Variants in SNX31 observed in about 807,000 individuals in gnomAD.
The protein encoded by SNX31 is sorting nexin 31.
SNX31 carries 58 observed loss-of-function variants against 65.4 expected under a neutral mutation model. That is an observed-to-expected ratio of 0.89 (90% CI 0.72 to 1.10). The LOEUF (loss-of-function observed/expected upper bound fraction) is 1.10. Among genes scored for constraint, SNX31 ranks in the 50% least tolerant of loss-of-function variants. SNX31 has a pLI of 0.00. For missense variants in SNX31, 523 were observed against 529.7 expected (o/e 0.99, Z 0.12); for synonymous variants, 181 against 190.1 (o/e 0.95, Z 0.39).
intron 3 of SNX31, among the ~76,000 whole-genome samples, chr8:100,632,415 T>A (rs1237440845): frequency 1.3e-5 from 2 of 151,970 alleles, no homozygotes; most frequent in African/African-American, 4.8e-5. Context: ...CAAAAAAAAA[T>A]TTAATGGGAA....
intron 4 of SNX31, among the ~76,000 whole-genome samples, chr8:100,627,437 C>A (rs993944826): frequency 6.6e-6 from 1 of 152,168 alleles, no homozygotes; most frequent in Non-Finnish European, 1.5e-5. Flanking sequence ...AAAGCAAAAC[C>A]CAGAATGCAC....
In SNX31 at chr8:100,618,404, G is replaced by T. The variant is rs893502140; in HGVS notation, c.322-674C>A. On this transcript the variant is annotated intron_variant, in intron 4 of 13. Coordinates refer to ENST00000311812, the MANE Select transcript of SNX31 (RefSeq NM_152628.4). The stretch of plus-strand genomic sequence containing the variant: ...TTTCTGACACTAATTGTGGGTGGGG[G>T]CAGGGGGAAGGTGTTTCCATGTAGC... 3.0e-5 allele frequency: 40 copies of T among 1,341,888 alleles called. No homozygotes were observed. In the Middle Eastern group the frequency reaches 5.3e-4, roughly 18 times the overall value. 83.1% of individuals were successfully genotyped at this position (1,341,888 alleles called of 1,614,324 possible). A position where few individuals can be genotyped will look rare whatever the true frequency, so the allele number is the denominator to read the frequency against.
At chr8:100,583,992 G>A in intron 12 of SNX31, 119 bp downstream of exon 12, 1 of 788,462 alleles carries the variant, frequency 1.3e-6, no homozygotes, top group Non-Finnish European at 2.0e-6. Flanking sequence ...GTGGTTTGGA[G>A]TCCTCCCTTT....
chr8:100,649,952 G>T (rs1008872421), upstream of SNX31, among the ~76,000 whole-genome samples: 1 of 152,210 alleles, frequency 6.6e-6, no homozygotes, highest in Non-Finnish European at 1.5e-5. Flanking sequence ...TGTTTGGTCA[G>T]TTTTTTTGTA....
chr8:100,643,968 G>A (rs1248116815), intron 2 of SNX31, among the ~76,000 whole-genome samples: 1 of 152,190 alleles, frequency 6.6e-6, no homozygotes, highest in Non-Finnish European at 1.5e-5. Flanking sequence ...ACTTCCTGGA[G>A]GAGATGGGAC....
rs1241626188 is a variant in SNX31 at position 100,573,279 on chromosome 8, TG to T, written c.*585del. Reference sequence around the variant, plus strand: ...CGTTTCACTTTGAGTACATCCATATTGGTAGGCTCAGACTTATGTGAGGAAA... The same window carrying T: ...CGTTTCACTTTGAGTACATCCATATTGTAGGCTCAGACTTATGTGAGGAAA... On this transcript the variant is annotated 3_prime_UTR_variant, in exon 14 of 14. Transcript: ENST00000311812. 2 of 152,180 alleles carry T rather than the reference TG, an allele frequency of 1.3e-5. No individual in the cohort carries two copies. Among genetic ancestry groups the T allele is most frequent in the African/African-American group, 4.8e-5 (2 of 41,408 alleles). The allele number at this position is 152,180 out of a possible 1,614,324, so 9.4% of individuals were successfully genotyped here.
At chr8:100,663,470 T>A (rs911460468), upstream of SNX31, 2 of 152,214 alleles carry the variant, frequency 1.3e-5, no homozygotes, top group Admixed American at 6.5e-5. Flanking sequence ...TGGCTCCTCT[T>A]CCTCAGTTGC....
rs1318377385 is a variant in SNX31 at position 100,575,892 on chromosome 8, GT to G, written c.1227+1126del. On this transcript the variant is annotated intron_variant, in intron 13 of 13. Coordinates refer to ENST00000311812, the MANE Select transcript of SNX31 (RefSeq NM_152628.4). The surrounding 1 kb of genome is among the most constrained non-coding windows in gnomAD (Gnocchi z 5.1). ...AGCATTAGTTTTTAGAGCTCCCCAGGTGATTCCAATGTGCAGCCAAAGTTGA... is the reference window on the plus strand; with the variant it reads ...AGCATTAGTTTTTAGAGCTCCCCAGGGATTCCAATGTGCAGCCAAAGTTGA... 6.6e-6 allele frequency among the ~76,000 whole-genome samples: 1 copy of G among 152,192 alleles called. No homozygotes were observed.
chr8:100,650,344 C>T (rs952913041), upstream of SNX31, among the ~76,000 whole-genome samples: 26 of 152,180 alleles, frequency 1.7e-4, no homozygotes, highest in Non-Finnish European at 3.4e-4. Flanking sequence ...TCCGTTCTTC[C>T]CTCTCTCCTT....
chr8:100,625,021 G>A lies in SNX31; in HGVS notation c.321+5306C>T, dbSNP rs1488654882. Among the ~76,000 whole-genome samples the A allele has an allele frequency of 6.6e-6, 1 of 151,984 alleles. No homozygotes were observed. On this transcript the variant is annotated intron_variant, in intron 4 of 13. Transcript: ENST00000311812. This position sits in a 1 kb window ranked among gnomAD's most constrained non-coding sequence, Gnocchi z 4.2. ...AGACAGAGTCTCACTATGTTGCCCA[G>A]GCTGGTCTTCAACTCCTGGCCTCAA...
intron 3 of SNX31, among the ~76,000 whole-genome samples, chr8:100,633,259 T>C (rs1818531580): frequency 6.6e-6 from 1 of 152,160 alleles, no homozygotes; most frequent in Admixed American, 6.5e-5. Flanking sequence ...ATAAGGTCTC[T>C]AGATAGATTA....
chr8:100,608,407 T>A, intron 8 of SNX31, 87 bp downstream of exon 8: 2 of 1,231,420 alleles, frequency 1.6e-6, no homozygotes, highest in Non-Finnish European at 2.4e-6. Context: ...GAGGTAGAAT[T>A]ACTAACTGCC....
chr8:100,612,973 T>G lies in SNX31; in HGVS notation c.523+22A>C, dbSNP rs372408070. On this transcript the variant is annotated intron_variant, in intron 6 of 13. Transcript: ENST00000311812. This position sits in a 1 kb window ranked among gnomAD's most constrained non-coding sequence, Gnocchi z 4.3. ...CTGTCCACCCCATCTCCTAGCTGATTCATTTGTTCCTTCCTTCTTACCAGA... is the reference window on the plus strand; with the variant it reads ...CTGTCCACCCCATCTCCTAGCTGATGCATTTGTTCCTTCCTTCTTACCAGA... 2.7e-5 allele frequency: 43 copies of G among 1,607,462 alleles called. No homozygotes were observed. In the Middle Eastern group the frequency reaches 9.9e-4, roughly 37 times the overall value.
Position 100,649,619 on chromosome 8 carries a change from G to T in SNX31, c.-105C>A. On this transcript the variant is annotated 5_prime_UTR_variant, in exon 1 of 14. Transcript: ENST00000311812. ...GTGGACGCAGCGCGGCCTGCCACGC[G>T]ACTCAGAGCGAACCCCGGCGCCCGC... 8.8e-7 allele frequency: 1 copy of T among 1,137,392 alleles called. No homozygotes were observed. Among genetic ancestry groups the T allele is most frequent in the South Asian group, 1.6e-5 (1 of 63,586 alleles). The allele number at this position is 1,137,392 out of a possible 1,614,324, so 70.5% of individuals were successfully genotyped here.
chr8:100,593,642 CAG>C (rs1238571385), intron 10 of SNX31, among the ~76,000 whole-genome samples: 1 of 151,878 alleles, frequency 6.6e-6, no homozygotes, highest in Non-Finnish European at 1.5e-5. Context: ...TTAGTAGAGA[CAG>C]AGTTTCTCCA....
chr8:100,583,352 C>A (rs549143719), intron 12 of SNX31, among the ~76,000 whole-genome samples: 7 of 152,070 alleles, frequency 4.6e-5, no homozygotes, highest in East Asian at 1.9e-4. Context: ...GTGATCCCCC[C>A]ACTTGGCCTC....
At position 100,641,566 on chromosome 8, in the gene SNX31, ATATATATAT is replaced by A. The variant is rs745503485; in HGVS notation, c.142-5564_142-5556del. Among the ~76,000 whole-genome samples, 175 of 19,032 alleles carry A rather than the reference ATATATATAT, an allele frequency of 9.2e-3. 8 individuals are homozygous for A. The highest frequency in any genetic ancestry group is 0.04 in the African/African-American group (122 of 3,036). The allele number at this position is 19,032 out of a possible 152,430, so 12.5% of individuals were successfully genotyped here. Reference sequence around the variant, plus strand: ...GTCTCAAAAAAAAAAAAAAAAAAAAATATATATATATATATATATATATATATATACACA... The same window carrying A: ...GTCTCAAAAAAAAAAAAAAAAAAAAAATATATATATATATATATATACACA... On this transcript the variant is annotated intron_variant, in intron 2 of 13. Transcript: ENST00000311812.
chr8:100,618,375 A>AT (rs1306269302), intron 4 of SNX31: 64 of 1,528,574 alleles, frequency 4.2e-5, no homozygotes, highest in Non-Finnish European at 5.3e-5. Flanking sequence ...CATATCCCTG[A>AT]TTTTTTCTGA....
chr8:100,606,666 C>G (rs1202785395), intron 8 of SNX31, among the ~76,000 whole-genome samples: 2 of 152,218 alleles, frequency 1.3e-5, no homozygotes, highest in African/African-American at 2.4e-5. Flanking sequence ...CCATCTCTCT[C>G]TCTCCTGAGT....
Sources: gnomAD v4.1 joint callset for allele counts (sites outside exome capture counted in the v4.1 genomes callset) on GRCh38, gnomAD v4.1.1 for gene constraint, Gnocchi (gnomAD v3.1) non-coding constraint, MANE v1.5 for transcripts, NCBI Gene and HGNC (gene_info 2026-07-23, HGNC 2026-07-21) for gene names.